ATP11C: variants seen among roughly 807,000 people sequenced by gnomAD.
The protein encoded by ATP11C is ATPase phospholipid transporting 11C (ATP11C blood group), also known as phospholipid-transporting ATPase IG.
In ATP11C, 36 loss-of-function variants were observed where a neutral mutation model predicts 97.4. That is an observed-to-expected ratio of 0.37 (90% confidence interval 0.28 to 0.49). The LOEUF (loss-of-function observed/expected upper bound fraction) is 0.49, where lower values mean the gene tolerates loss of function less well. Ranked by LOEUF, ATP11C falls within the 20% of genes least tolerant of loss-of-function variation. The probability of loss-of-function intolerance (pLI) is 0.98; values close to 1 mark genes in which losing one functional copy is unlikely to be tolerated. For synonymous variants in ATP11C, 275 were observed against 290.9 expected (o/e 0.95, Z 0.56); for missense variants, 730 against 824.6 (o/e 0.89, Z 1.40).
At chrX:139,789,262 T>C in intron 13 of ATP11C, 65 bp downstream of exon 13, 1 of 916,720 alleles carries the variant, frequency 1.1e-6, no homozygotes, top group Non-Finnish European at 1.5e-6. Context: ...AATTATTTTC[T>C]ACTATGGAAT....
chrX:139,817,005 C>A lies in ATP11C; in HGVS notation c.238-62G>T, dbSNP rs761961336. 8.7e-6 allele frequency: 6 copies of A among 686,865 alleles called. No individual in the cohort carries two copies. In the East Asian group the frequency reaches 2.2e-4, roughly 25 times the overall value. 56.6% of individuals were successfully genotyped at this position (686,865 alleles called of 1,213,427 possible). On this transcript the variant is annotated intron_variant, in intron 3 of 29. Coordinates refer to ENST00000682941, the MANE Select transcript of ATP11C (RefSeq NM_001353812.2). ...ATTTGTCATTAACTCATATGCAGCA[C>A]TTACATGCTGCAAACATTTCAAACA...
At chrX:139,863,520 G>A (rs912773532) in intron 1 of ATP11C, among the ~76,000 whole-genome samples, 13 of 110,934 alleles carry the variant, frequency 1.2e-4, no homozygotes, top group African/African-American at 4.3e-4. Flanking sequence ...ATGACAGAGG[G>A]AGACTCTGCC....
intron 29 of ATP11C, among the ~76,000 whole-genome samples, chrX:139,729,674 G>A (rs975685837): frequency 9.0e-6 from 1 of 111,584 alleles, no homozygotes; most frequent in Non-Finnish European, 1.9e-5. Context: ...CAAATGCTAT[G>A]ATCAGGATGG....
intron 1 of ATP11C, among the ~76,000 whole-genome samples, chrX:139,836,646 TAC>T (rs1569477033): frequency 8.9e-6 from 1 of 111,963 alleles, no homozygotes; most frequent in African/African-American, 3.2e-5. Context: ...AATGTTTAAG[TAC>T]AAACTGACTA....
At chrX:139,766,477 G>A (rs2082137478) in intron 20 of ATP11C, among the ~76,000 whole-genome samples, 1 of 111,780 alleles carries the variant, frequency 8.9e-6, no homozygotes, top group Admixed American at 9.5e-5. Flanking sequence ...TCCCAACCTG[G>A]GGCCAAGAAA....
chrX:139,807,253 A>G (rs2083064159), intron 5 of ATP11C, among the ~76,000 whole-genome samples: 1 of 110,167 alleles, frequency 9.1e-6, no homozygotes, highest in South Asian at 3.9e-4. Context: ...TGTTGCTGAA[A>G]GCAGATAGTA....
intron 1 of ATP11C, among the ~76,000 whole-genome samples, chrX:139,887,096 A>G (rs1376177202): frequency 8.9e-6 from 1 of 112,089 alleles, no homozygotes; most frequent in African/African-American, 3.2e-5. Flanking sequence ...TCAATAGACA[A>G]AGTATAGTTT....
At chrX:139,826,124 G>C (rs922389289) in intron 2 of ATP11C, among the ~76,000 whole-genome samples, 17 of 111,590 alleles carry the variant, frequency 1.5e-4, no homozygotes, top group Admixed American at 1.5e-3. Context: ...CTATGCTGAA[G>C]AAAGATGCAG....
At chrX:139,786,909 A>G (rs902020577) in intron 15 of ATP11C, among the ~76,000 whole-genome samples, 2 of 112,181 alleles carry the variant, frequency 1.8e-5, no homozygotes, top group African/African-American at 6.5e-5. Context: ...ATGGCATCTA[A>G]ATTTGAGAAA....
At chrX:139,915,456 G>T (rs745842712) in intron 1 of ATP11C, among the ~76,000 whole-genome samples, 2 of 111,039 alleles carry the variant, frequency 1.8e-5, no homozygotes, top group African/African-American at 6.5e-5. Context: ...GATCAAATGA[G>T]GCCAGGAGTT....
chrX:139,773,062 G>C (rs1030849119), intron 19 of ATP11C, among the ~76,000 whole-genome samples: 3 of 110,836 alleles, frequency 2.7e-5, no homozygotes, highest in African/African-American at 9.9e-5. Flanking sequence ...CCAGGGGGAG[G>C]TAACTGAATC....
chrX:139,930,266 C>T, intron 1 of ATP11C, among the ~76,000 whole-genome samples: 1 of 110,131 alleles, frequency 9.1e-6, no homozygotes, highest in Admixed American at 9.7e-5. Context: ...TGCTTAATTA[C>T]TAGACTCTGA....
intron 1 of ATP11C, among the ~76,000 whole-genome samples, chrX:139,909,257 G>A (rs1603416799): frequency 9.0e-6 from 1 of 110,690 alleles, no homozygotes; most frequent in South Asian, 3.9e-4. Flanking sequence ...TCAGCCTCCC[G>A]AGTGGCTGGG....
At chrX:139,906,879 T>C (rs1338727826) in intron 1 of ATP11C, among the ~76,000 whole-genome samples, 2 of 111,499 alleles carry the variant, frequency 1.8e-5, no homozygotes, top group Admixed American at 1.9e-4. Flanking sequence ...ATGGTGTCTT[T>C]CCACGCTAAC....
intron 1 of ATP11C, among the ~76,000 whole-genome samples, chrX:139,858,020 G>C (rs182884596): frequency 8.9e-6 from 1 of 112,023 alleles, no homozygotes; most frequent in African/African-American, 3.2e-5. Context: ...TATTGTTAGA[G>C]TGGGTTGTTA....
chrX:139,832,418 T>C (rs1350512442), intron 1 of ATP11C: 5 of 655,031 alleles, frequency 7.6e-6, no homozygotes, highest in Non-Finnish European at 1.1e-5. Flanking sequence ...CTGGCGGCCT[T>C]AGCCCCATTA....
chrX:139,776,246 A>C (rs2082346557), intron 18 of ATP11C, among the ~76,000 whole-genome samples: 1 of 112,007 alleles, frequency 8.9e-6, no homozygotes, highest in South Asian at 3.7e-4. Context: ...CCTTTTTCGC[A>C]GTGGCTCTAC....
intron 17 of ATP11C, among the ~76,000 whole-genome samples, 161 bp downstream of exon 17, chrX:139,783,003 A>AT (rs1174143664): frequency 8.9e-6 from 1 of 112,242 alleles, no homozygotes; most frequent in African/African-American, 3.2e-5. Context: ...TTATATTAAG[A>AT]TAAAAAAAAG....
At chrX:139,915,498 T>C (rs2085141534) in intron 1 of ATP11C, among the ~76,000 whole-genome samples, 1 of 110,007 alleles carries the variant, frequency 9.1e-6, no homozygotes, top group African/African-American at 3.3e-5. Context: ...AGTGAAACCC[T>C]GACTCTACTA....
Sources: gnomAD v4.1 joint callset for allele counts (sites outside exome capture counted in the v4.1 genomes callset) on GRCh38, gnomAD v4.1.1 for gene constraint, MANE v1.5 for transcripts, NCBI Gene and HGNC (gene_info 2026-07-23, HGNC 2026-07-21) for gene names.